The following ARHGEF11 variants were observed in gnomAD, a reference collection of about 807,000 sequenced individuals.
The protein encoded by ARHGEF11 is Rho guanine exchange factor (GEF) 11.
ARHGEF11 carries 55 observed loss-of-function variants against 193.7 expected under a neutral mutation model. The ratio of observed to expected loss-of-function variants is 0.28; its 90% CI spans 0.23 to 0.36. The LOEUF (loss-of-function observed/expected upper bound fraction) is 0.36, where lower values mean the gene tolerates loss of function less well. Ranked by LOEUF, ARHGEF11 falls within the 10% of genes least tolerant of loss-of-function variation. The pLI is 1.00. For missense variants in ARHGEF11, 1,723 were observed against 2,005.6 expected, an observed-to-expected ratio of 0.86 and a Z score of 2.69; for synonymous variants, 693 against 768.0, an observed-to-expected ratio of 0.90 and a Z score of 1.62.
At chr1:156,980,331 G>T in intron 4 of ARHGEF11, 106 bp downstream of exon 4, 1 of 1,375,472 alleles carries the variant, frequency 7.3e-7, no homozygotes. Flanking sequence ...GTGGCTGCCT[G>T]GCAGTTGGTA....
intron 1 of ARHGEF11, among the ~76,000 whole-genome samples, chr1:157,025,071 T>G (rs1670484589): frequency 1.3e-5 from 2 of 152,206 alleles, no homozygotes; most frequent in Non-Finnish European, 2.9e-5. Flanking sequence ...CACATCAACT[T>G]AGGATCAATG....
At chr1:157,013,094 T>C (rs1003869298) in intron 1 of ARHGEF11, among the ~76,000 whole-genome samples, 2 of 152,096 alleles carry the variant, frequency 1.3e-5, no homozygotes, top group Non-Finnish European at 2.9e-5. Flanking sequence ...TCCTCATCTT[T>C]TGCTCTGCTG....
At chr1:156,981,532 A>G (rs1664171330) in intron 3 of ARHGEF11, among the ~76,000 whole-genome samples, 1 of 152,238 alleles carries the variant, frequency 6.6e-6, no homozygotes, top group Admixed American at 6.5e-5. Context: ...GCTGGAGTGC[A>G]GCGGTGCGAT....
chr1:156,969,429 C>T (rs1429667294), intron 9 of ARHGEF11, 71 bp from the exon 10 acceptor site: 4 of 1,437,576 alleles, frequency 2.8e-6, no homozygotes, highest in African/African-American at 1.4e-5. Flanking sequence ...TTATTCTGGG[C>T]ACCTGTGTGC....
In ARHGEF11 at chr1:156,979,300, A is replaced by G. The variant is rs371324422; in HGVS notation, c.274-14T>C. ...GGTGCCGTTGACCTGTTGGAGGGAC[A>G]AACAGTATTGAGTAATGGTAATGAA... On this transcript the variant is annotated splice_polypyrimidine_tract_variant and intron_variant, in intron 4 of 40. Coordinates refer to ENST00000368194, the MANE Select transcript of ARHGEF11 (RefSeq NM_198236.3). 46 of 1,612,298 alleles carry G rather than the reference A, an allele frequency of 2.9e-5. No homozygotes were observed. The highest frequency in any genetic ancestry group is 3.8e-5 in the Non-Finnish European group (45 of 1,178,738).
intron 1 of ARHGEF11, among the ~76,000 whole-genome samples, chr1:156,988,528 C>G (rs1665257954): frequency 6.6e-6 from 1 of 152,196 alleles, no homozygotes; most frequent in African/African-American, 2.4e-5. Context: ...CACCAGGAAG[C>G]TGGTTTCCTA....
At chr1:156,974,349 T>A (rs1662960276) in intron 7 of ARHGEF11, among the ~76,000 whole-genome samples, 1 of 152,320 alleles carries the variant, frequency 6.6e-6, no homozygotes, top group African/African-American at 2.4e-5. Flanking sequence ...ATTACAGGCA[T>A]GAGCTACCAC....
chr1:156,938,828 C>A, intron 37 of ARHGEF11: 1 of 360,894 alleles, frequency 2.8e-6, no homozygotes, highest in South Asian at 4.9e-5. Flanking sequence ...GGCCCACTAG[C>A]GTGGAACCCC....
chr1:157,001,154 G>C (rs1445237417), intron 1 of ARHGEF11, among the ~76,000 whole-genome samples: 2 of 152,068 alleles, frequency 1.3e-5, no homozygotes, highest in African/African-American at 4.8e-5. Context: ...CCTGTGTACT[G>C]CTTTTAAAAG....
Position 156,940,157 on chromosome 1 carries a change from G to A in ARHGEF11, c.3733+50C>T, listed in dbSNP as rs79719130. ...TGCAGGCGCCTGCCAGTTCACACTG[G>A]GTGTGCGACTGGGGACCAGGGGCTG... On this transcript the variant is annotated intron_variant, in intron 36 of 40. Coordinates refer to ENST00000368194, the MANE Select transcript of ARHGEF11 (RefSeq NM_198236.3). 9 of 1,517,862 alleles carry A rather than the reference G, an allele frequency of 5.9e-6. No individual in the cohort carries two copies. The East Asian group carries it at 1.6e-4, about 27-fold the overall frequency. 94.0% of individuals were successfully genotyped at this position (1,517,862 alleles called of 1,614,324 possible). A position where few individuals can be genotyped will look rare whatever the true frequency, so the allele number is the denominator to read the frequency against.
chr1:156,961,176 T>C (rs1660780351), intron 14 of ARHGEF11, among the ~76,000 whole-genome samples: 1 of 152,220 alleles, frequency 6.6e-6, no homozygotes, highest in Admixed American at 6.5e-5. Context: ...ATCCCTGACA[T>C]ACCCCGGGAA....
At chr1:157,002,720 ACT>A (rs1667355961) in intron 1 of ARHGEF11, among the ~76,000 whole-genome samples, 1 of 152,154 alleles carries the variant, frequency 6.6e-6, no homozygotes, top group Non-Finnish European at 1.5e-5. Context: ...CTAAGCATAT[ACT>A]CTTAGTAAAT....
chr1:156,937,237 T>TGC lies in ARHGEF11; in HGVS notation c.4440+10_4440+11dup. 6.2e-7 allele frequency: 1 copy of TGC among 1,608,578 alleles called. No individual in the cohort carries two copies. Among genetic ancestry groups the TGC allele is most frequent in the Non-Finnish European group, 8.5e-7 (1 of 1,179,426 alleles). ...TGAAGGCCTGCAGGGACCCAAGCCC[T>TGC]GCTTCCCTCACCTTGAGCCTGTTGA... On this transcript the variant is annotated intron_variant, in intron 39 of 40. Coordinates refer to ENST00000368194, the MANE Select transcript of ARHGEF11 (RefSeq NM_198236.3).
chr1:156,956,660 G>A, intron 18 of ARHGEF11, 96 bp from the exon 19 acceptor site: 1 of 1,519,562 alleles, frequency 6.6e-7, no homozygotes, highest in Non-Finnish European at 8.9e-7. Flanking sequence ...GTGGGGAAGG[G>A]GTAGTTACAG....
At chr1:157,012,846 A>G (rs1668708864) in intron 1 of ARHGEF11, among the ~76,000 whole-genome samples, 1 of 152,198 alleles carries the variant, frequency 6.6e-6, no homozygotes, top group South Asian at 2.1e-4. Context: ...CATCACCGCC[A>G]TCCTCATCAT....
At chr1:156,965,571 C>T (rs917880980) in intron 11 of ARHGEF11, among the ~76,000 whole-genome samples, 1 of 152,186 alleles carries the variant, frequency 6.6e-6, no homozygotes, top group African/African-American at 2.4e-5. Context: ...CCTGTCCGAT[C>T]CTTTTCCCCA....
chr1:156,963,860 C>T, intron 11 of ARHGEF11: 1 of 1,018,458 alleles, frequency 9.8e-7, no homozygotes, highest in South Asian at 2.3e-5. Flanking sequence ...GGAGAAAATG[C>T]TCTCTTCCTG....
intron 11 of ARHGEF11, among the ~76,000 whole-genome samples, chr1:156,967,600 TC>T (rs1661866561): frequency 6.6e-6 from 1 of 152,090 alleles, no homozygotes; most frequent in African/African-American, 2.4e-5. Flanking sequence ...ATGTTACGGT[TC>T]CAAGTAATAA....
rs1413312436 is a variant in ARHGEF11 at position 157,044,539 on chromosome 1, C to T, written c.-209G>A. 2 of 443,904 alleles carry T rather than the reference C, an allele frequency of 4.5e-6. No homozygotes were observed. Among genetic ancestry groups the T allele is most frequent in the East Asian group, 3.3e-5 (1 of 30,362 alleles). The allele number at this position is 443,904 out of a possible 1,614,324, so 27.5% of individuals were successfully genotyped here. On this transcript the variant is annotated 5_prime_UTR_variant, in exon 1 of 41. Coordinates refer to ENST00000368194, the MANE Select transcript of ARHGEF11 (RefSeq NM_198236.3). ...GATTTCCTTTCTCAGCCCCTCTTCCCCTCCCCCGCTTTAAAAAAAAAGAAA... is the reference window on the plus strand; with the variant it reads ...GATTTCCTTTCTCAGCCCCTCTTCCTCTCCCCCGCTTTAAAAAAAAAGAAA...
Sources: allele counts gnomAD v4.1 joint callset (sites outside exome capture counted in the v4.1 genomes callset), GRCh38; gene constraint gnomAD v4.1.1; transcripts MANE v1.5; gene names NCBI Gene and HGNC (gene_info 2026-07-23, HGNC 2026-07-21).